Variants in TMCC1 observed in about 807,000 individuals in gnomAD.
TMCC1 encodes transmembrane and coiled-coil domain family 1.
A neutral mutation model predicts 52.4 loss-of-function variants in TMCC1; 15 were observed. The observed-to-expected ratio is 0.29, with a 90% CI of 0.19 to 0.44. The LOEUF is 0.44. TMCC1 is among the 20% of genes least tolerant of loss of function. The pLI is 1.00. For missense variants in TMCC1, 503 were observed against 806.0 expected (o/e 0.62, Z 4.55); for synonymous variants, 279 against 301.9 (o/e 0.92, Z 0.79).
At chr3:129,688,263 T>TAAAAA (rs36118217) in intron 4 of TMCC1, 1 of 354,242 alleles carries the variant, frequency 2.8e-6, no homozygotes, top group Non-Finnish European at 3.9e-6. Flanking sequence ...GCTTGGATGG[T>TAAAAA]AAAAAAAAAA....
chr3:129,699,642 A>C (rs1360149797), intron 4 of TMCC1, among the ~76,000 whole-genome samples: 1 of 152,220 alleles, frequency 6.6e-6, no homozygotes, highest in Non-Finnish European at 1.5e-5. Context: ...TCCTGACAAG[A>C]TGCAAGAACC....
intron 4 of TMCC1, among the ~76,000 whole-genome samples, chr3:129,757,989 T>C (rs2107669420): frequency 6.6e-6 from 1 of 152,250 alleles, no homozygotes; most frequent in South Asian, 2.1e-4. Flanking sequence ...AATGGGGATC[T>C]CTGAATGAGA....
intron 5 of TMCC1, among the ~76,000 whole-genome samples, chr3:129,667,247 T>C (rs1188990101): frequency 6.7e-6 from 1 of 148,938 alleles, no homozygotes; most frequent in African/African-American, 2.5e-5. Context: ...AAAAAAAGAC[T>C]TCAATTTGTA....
chr3:129,781,387 C>CT (rs1319650266), intron 4 of TMCC1, among the ~76,000 whole-genome samples: 3 of 152,128 alleles, frequency 2.0e-5, no homozygotes, highest in Admixed American at 2.0e-4. Context: ...ACTGGACATT[C>CT]TTTTTTTCCT....
At chr3:129,728,890 T>G (rs536318574) in intron 4 of TMCC1, among the ~76,000 whole-genome samples, 1 of 152,156 alleles carries the variant, frequency 6.6e-6, no homozygotes, top group East Asian at 1.9e-4. Flanking sequence ...GGATGATGCA[T>G]GTATCATAGT....
At chr3:129,791,133 G>A (rs774615292) in intron 4 of TMCC1, among the ~76,000 whole-genome samples, 4 of 124,136 alleles carry the variant, frequency 3.2e-5, no homozygotes, top group East Asian at 2.3e-4. Flanking sequence ...TCCCTCTGTC[G>A]CCCAGGCTGG....
At chr3:129,771,502 C>A (rs756825675) in intron 4 of TMCC1, among the ~76,000 whole-genome samples, 1 of 151,946 alleles carries the variant, frequency 6.6e-6, no homozygotes, top group African/African-American at 2.4e-5. Context: ...GGGCTGGGCA[C>A]GGTTGCTCAC....
intron 4 of TMCC1, among the ~76,000 whole-genome samples, chr3:129,801,542 C>T (rs1560449667): frequency 1.3e-5 from 2 of 151,954 alleles, no homozygotes; most frequent in South Asian, 4.2e-4. Context: ...GGTCACTGCA[C>T]CCTCTGCCCC....
chr3:129,674,184 A>C (rs2088203474), intron 4 of TMCC1, among the ~76,000 whole-genome samples: 1 of 152,162 alleles, frequency 6.6e-6, no homozygotes, highest in Admixed American at 6.5e-5. Flanking sequence ...CCATATTTAC[A>C]AGTGATCACA....
rs2061407880 is a variant in TMCC1, at chr3:129,880,409, TAGAAACAG to T, written c.-292_-285del. 1 of 152,096 alleles carries T rather than the reference TAGAAACAG, an allele frequency of 6.6e-6. No individual in the cohort carries two copies. Among genetic ancestry groups the T allele is most frequent in the African/African-American group, 2.4e-5 (1 of 41,424 alleles). 9.4% of individuals were successfully genotyped at this position (152,096 alleles called of 1,614,324 possible). A position where few individuals can be genotyped will look rare whatever the true frequency, so the allele number is the denominator to read the frequency against. On this transcript the variant is annotated 5_prime_UTR_variant, in exon 2 of 7. It introduces an in-frame stop codon into an upstream open reading frame of the 5' UTR. Transcript: ENST00000393238. ...CAAAAAGTTATTTTTTAAAAAGACA[TAGAAACAG>T]AAGATCCATATGAAAAAGAGATCCA...
chr3:129,742,478 C>T (rs1456554022), intron 4 of TMCC1, among the ~76,000 whole-genome samples: 1 of 152,212 alleles, frequency 6.6e-6, no homozygotes, highest in African/African-American at 2.4e-5. Flanking sequence ...CTCAGCTCAT[C>T]ATTAACCACC....
intron 4 of TMCC1, among the ~76,000 whole-genome samples, chr3:129,799,606 C>T (rs887358460): frequency 2.0e-4 from 31 of 152,060 alleles, no homozygotes; most frequent in African/African-American, 7.0e-4. Context: ...ATCAGGAGAT[C>T]GAGACCATCC....
At chr3:129,851,253 C>T (rs1361281226) in intron 2 of TMCC1, among the ~76,000 whole-genome samples, 1 of 152,230 alleles carries the variant, frequency 6.6e-6, no homozygotes, top group Non-Finnish European at 1.5e-5. Flanking sequence ...GCACACCCTA[C>T]AGGCCTATGT....
intron 4 of TMCC1, among the ~76,000 whole-genome samples, chr3:129,785,933 C>CCT (rs1553869831): frequency 2.2e-3 from 279 of 127,614 alleles, no homozygotes; most frequent in African/African-American, 5.5e-3. Flanking sequence ...CCCTCACCCC[C>CCT]TTTTTTTTTT....
rs569699044 is a variant in TMCC1, at chr3:129,851,994, T to C, written c.-183-19168A>G. ...ATGAGACCTTGTCTCCACTAAAAAT[T>C]CAAAAAAAATTAGCCGGGTGTGGTT... On this transcript the variant is annotated intron_variant, in intron 2 of 6. Coordinates refer to ENST00000393238, the MANE Select transcript of TMCC1 (RefSeq NM_001017395.5). 4.3e-4 allele frequency among the ~76,000 whole-genome samples: 64 copies of C among 148,914 alleles called. 1 individual carries two copies. The highest frequency in any genetic ancestry group is 1.0e-3 in the Admixed American group (15 of 14,968).
intron 4 of TMCC1, among the ~76,000 whole-genome samples, chr3:129,773,040 C>G (rs938138438): frequency 2.0e-5 from 3 of 152,068 alleles, no homozygotes; most frequent in Non-Finnish European, 4.4e-5. Flanking sequence ...CTGGCAAAGA[C>G]TATAAAAATG....
At chr3:129,707,728 T>C (rs1249664160) in intron 4 of TMCC1, among the ~76,000 whole-genome samples, 1 of 152,022 alleles carries the variant, frequency 6.6e-6, no homozygotes, top group Non-Finnish European at 1.5e-5. Context: ...GGTCAGGAGA[T>C]CGAGACCATC....
chr3:129,759,669 A>AG (rs1186289546), intron 4 of TMCC1, among the ~76,000 whole-genome samples: 1 of 141,886 alleles, frequency 7.0e-6, no homozygotes, highest in Non-Finnish European at 1.5e-5. Flanking sequence ...AGCCTCCCAA[A>AG]GCCCCCCGTC....
At position 129,712,623 on chromosome 3, in the gene TMCC1, A is replaced by T. The variant is rs547980516; in HGVS notation, c.577-41359T>A. On this transcript the variant is annotated intron_variant, in intron 4 of 6. Transcript: ENST00000393238. ...CTACCATGCCCAGCTAATTAAAAAAATTTTTTTTTTGTAGAGACAGAGACT... is the reference window on the plus strand; with the variant it reads ...CTACCATGCCCAGCTAATTAAAAAATTTTTTTTTTTGTAGAGACAGAGACT... Among the ~76,000 whole-genome samples the T allele has an allele frequency of 6.2e-4, 92 of 149,328 alleles. 1 individual carries two copies. Among genetic ancestry groups the T allele is most frequent in the Admixed American group, 1.4e-3 (21 of 14,912 alleles).
Sources: gnomAD v4.1 joint callset for allele counts (sites outside exome capture counted in the v4.1 genomes callset) on GRCh38, gnomAD v4.1.1 for gene constraint, MANE v1.5 for transcripts, NCBI Gene and HGNC (gene_info 2026-07-23, HGNC 2026-07-21) for gene names.